The following ZNF717 variants were observed in gnomAD, a reference collection of about 807,000 sequenced individuals.
ZNF717 encodes zinc finger protein 717.
In ZNF717, 9 loss-of-function variants were observed where a neutral mutation model predicts 13.8. That is an observed-to-expected ratio of 0.65 (90% confidence interval 0.39 to 1.14). The LOEUF is 1.14. Among genes scored for constraint, ZNF717 ranks in the 50% most tolerant of loss-of-function variants. The pLI, the probability that ZNF717 is intolerant of heterozygous loss-of-function variation, is 0.01. For missense variants in ZNF717, 1,040 were observed against 1,080.7 expected (o/e 0.96, Z 0.53); for synonymous variants, 327 against 364.1 (o/e 0.90, Z 1.16).
intron 2 of ZNF717, among the ~76,000 whole-genome samples, chr3:75,776,342 G>A (rs1041852640): frequency 4.1e-4 from 62 of 152,240 alleles, no homozygotes; most frequent in Non-Finnish European, 8.4e-4. Context: ...AAAACTTCAG[G>A]TACATTTGGT....
At chr3:75,778,758 T>C (rs62269667) in intron 2 of ZNF717, among the ~76,000 whole-genome samples, 24,619 of 136,424 alleles carry the variant, frequency 0.18, 2,342 homozygotes, top group African/African-American at 0.21. Context: ...ACCAAAACAA[T>C]GGGAGTGTCA....
Position 75,718,728 on chromosome 3 carries a change from T to A in ZNF717, n.545-2187A>T, listed in dbSNP as rs9865079. Among the ~76,000 whole-genome samples the A allele has an allele frequency of 6.0e-4, 92 of 152,116 alleles. 1 individual carries two copies. Among genetic ancestry groups the A allele is most frequent in the African/African-American group, 1.7e-3 (71 of 41,470 alleles). On this transcript the variant is annotated intron_variant and non_coding_transcript_variant, in intron 4 of 5. Coordinates refer to the ZNF717 transcript ENST00000491507. ...AGATCCCTCACATGTGCAGTTCACA[T>A]TGGGGTTCGTACTCCTATGAGAATC... is the stretch of plus-strand genomic sequence containing the variant.
At chr3:75,772,881 G>A (rs529572903) in intron 2 of ZNF717, among the ~76,000 whole-genome samples, 272 of 152,296 alleles carry the variant, frequency 1.8e-3, no homozygotes, top group African/African-American at 5.9e-3. Flanking sequence ...GAGCAGCTGG[G>A]GATTGTGGTA....
At chr3:75,760,454 G>A (rs144679268) in intron 2 of ZNF717, among the ~76,000 whole-genome samples, 241 of 151,882 alleles carry the variant, frequency 1.6e-3, no homozygotes, top group African/African-American at 5.2e-3. Context: ...TAAAAACAAC[G>A]CAATTATATT....
At chr3:75,719,483 G>A (rs1440073417) in intron 4 of ZNF717, among the ~76,000 whole-genome samples, 1 of 152,172 alleles carries the variant, frequency 6.6e-6, no homozygotes, top group Non-Finnish European at 1.5e-5. Flanking sequence ...ACTGTGAAAT[G>A]TACATTTAGA....
At chr3:75,766,290 C>T (rs1559664552) in intron 2 of ZNF717, among the ~76,000 whole-genome samples, 3 of 151,560 alleles carry the variant, frequency 2.0e-5, no homozygotes, top group African/African-American at 7.3e-5. Context: ...AACACAAAGA[C>T]ACAAACAAAC....
intron 2 of ZNF717, among the ~76,000 whole-genome samples, chr3:75,755,641 G>T (rs1197784967): frequency 6.6e-6 from 1 of 152,086 alleles, no homozygotes; most frequent in Non-Finnish European, 1.5e-5. Context: ...TGGGACAGTG[G>T]GATAGTGTTA....
rs1559594194 is a variant in ZNF717 at position 75,737,607 on chromosome 3, T to C, written c.2016A>G (p.Lys672=). The C allele has an allele frequency of 1.3e-6, 2 of 1,544,006 alleles. No individual in the cohort carries two copies. Among genetic ancestry groups the C allele is most frequent in the African/African-American group, 2.7e-5 (2 of 72,974 alleles). ...LTIHQRTHTG[K]NRMDVMNVEK... ...CCACATTCATTACATCCATACGGTT[T>C]TTCCCCGTGTGAGTTCTCTGGTGTA... is the stretch of plus-strand genomic sequence containing the variant. The change falls in exon 5 of 5, where the codon AAA becomes AAG. Residue 672 remains lysine, a synonymous_variant. Transcript: ENST00000652011.
chr3:75,706,522 G>T (rs3009080), downstream of ZNF717, among the ~76,000 whole-genome samples: 6 of 152,224 alleles, frequency 3.9e-5, no homozygotes, highest in African/African-American at 1.2e-4. Context: ...TGGGCCCCAG[G>T]CCTCACAGAG....
intron 5 of ZNF717, among the ~76,000 whole-genome samples, chr3:75,713,352 T>C (rs1376640109): frequency 2.0e-5 from 3 of 151,834 alleles, no homozygotes; most frequent in Non-Finnish European, 4.4e-5. Flanking sequence ...GGTTTTACCA[T>C]GTTGCCCAGA....
rs1221608224 is a variant in ZNF717, at chr3:75,741,522, C to CA, written c.184+87dup. 7.0e-5 allele frequency: 105 copies of CA among 1,498,988 alleles called. No individual in the cohort carries two copies. In the African/African-American group the frequency reaches 1.4e-3, roughly 19 times the overall value. 92.9% of individuals were successfully genotyped at this position (1,498,988 alleles called of 1,614,324 possible). On this transcript the variant is annotated intron_variant, in intron 3 of 4. Transcript: ENST00000652011. ...ACATTTTTCATCAACTGGAAGCTTACAAGTAAATATTATTATACCTTAAAA... is the reference window on the plus strand; with the variant it reads ...ACATTTTTCATCAACTGGAAGCTTACAAAGTAAATATTATTATACCTTAAAA...
chr3:75,722,803 CAAAAAAAA>C (rs146853808), intron 4 of ZNF717, among the ~76,000 whole-genome samples: 7 of 98,880 alleles, frequency 7.1e-5, no homozygotes, highest in South Asian at 2.9e-4. Flanking sequence ...AACTCCATCT[CAAAAAAAA>C]AAAAAAAAAA....
chr3:75,772,886 G>A (rs6796345), intron 2 of ZNF717, among the ~76,000 whole-genome samples: 83,468 of 147,868 alleles, frequency 0.56, 22,030 homozygotes, highest in Non-Finnish European at 0.59. Flanking sequence ...GCTGGGGATT[G>A]TGGTAAATTC....
chr3:75,746,963 A>C (rs199606553), intron 2 of ZNF717, among the ~76,000 whole-genome samples: 274 of 152,134 alleles, frequency 1.8e-3, no homozygotes, highest in African/African-American at 5.9e-3. Flanking sequence ...AATGGTATTG[A>C]CTAGGTTTTC....
At chr3:75,748,905 C>G (rs1261660742) in intron 2 of ZNF717, among the ~76,000 whole-genome samples, 2 of 152,040 alleles carry the variant, frequency 1.3e-5, no homozygotes, top group African/African-American at 2.4e-5. Flanking sequence ...CAAATTGTCC[C>G]TGTTTGCAGG....
chr3:75,770,350 C>T lies in ZNF717; in HGVS notation c.57+12956G>A, dbSNP rs570575846. Among the ~76,000 whole-genome samples, 18 of 152,276 alleles carry T rather than the reference C, an allele frequency of 1.2e-4. No individual in the cohort carries two copies. In the South Asian group the frequency reaches 2.5e-3, roughly 21 times the overall value. On this transcript the variant is annotated intron_variant, in intron 2 of 4. Coordinates refer to ENST00000652011, the MANE Select transcript of ZNF717 (RefSeq NM_001290208.3). ...CCGAGGCGGGCAGATCACCTGAGGT[C>T]GGGAGTTCGAGACCACCCTGATCAA...
At chr3:75,727,187 C>T (rs1408595388), downstream of ZNF717, among the ~76,000 whole-genome samples, 11 of 152,384 alleles carry the variant, frequency 7.2e-5, no homozygotes, top group African/African-American at 2.6e-4. Context: ...TATGTCGCCT[C>T]AAGACCCTGT....
At chr3:75,707,387 T>C (rs1435709177), downstream of ZNF717, among the ~76,000 whole-genome samples, 6 of 152,264 alleles carry the variant, frequency 3.9e-5, no homozygotes, top group African/African-American at 1.2e-4. Context: ...AATGCAGTTG[T>C]CTCCATACAC....
At chr3:75,696,393 C>G (rs1485080331) in intron 6 of ZNF717, among the ~76,000 whole-genome samples, 2 of 152,302 alleles carry the variant, frequency 1.3e-5, no homozygotes, top group Non-Finnish European at 2.9e-5. Context: ...CTAGTATTAC[C>G]CTGATATCAA....
Sources: gnomAD v4.1 joint callset for allele counts (sites outside exome capture counted in the v4.1 genomes callset) on GRCh38, gnomAD v4.1.1 for gene constraint, MANE v1.5 for transcripts, NCBI Gene and HGNC (gene_info 2026-07-23, HGNC 2026-07-21) for gene names.